The following CDH13 variants were observed in gnomAD, a reference collection of about 807,000 sequenced individuals.
CDH13 encodes cadherin-13.
A neutral mutation model predicts 63.8 loss-of-function variants in CDH13; 24 were observed. That is an observed-to-expected ratio of 0.38 (90% confidence interval 0.27 to 0.53). The LOEUF (loss-of-function observed/expected upper bound fraction) is 0.53. Among genes scored for constraint, CDH13 ranks in the 20% least tolerant of loss-of-function variants. The pLI, the probability that CDH13 is intolerant of heterozygous loss-of-function variation, is 0.85. For missense variants in CDH13, 1,049 were observed against 903.1 expected, an observed-to-expected ratio of 1.16 and a Z score of -2.07; for synonymous variants, 503 against 355.3, an observed-to-expected ratio of 1.42 and a Z score of -4.67.
At chr16:83,457,124 C>G (rs77714156) in intron 6 of CDH13, among the ~76,000 whole-genome samples, 27 of 152,086 alleles carry the variant, frequency 1.8e-4, no homozygotes, top group African/African-American at 6.3e-4. Flanking sequence ...ACCTGGGCAC[C>G]GGCCCAAGCT....
chr16:83,081,260 G>A (rs773029424), intron 3 of CDH13, among the ~76,000 whole-genome samples: 3 of 152,094 alleles, frequency 2.0e-5, no homozygotes, highest in Non-Finnish European at 4.4e-5. Context: ...CACCTGCTGT[G>A]TATCAACCTC....
At chr16:83,219,287 C>T (rs537108931) in intron 5 of CDH13, among the ~76,000 whole-genome samples, 3 of 143,898 alleles carry the variant, frequency 2.1e-5, no homozygotes, top group South Asian at 2.4e-4. Flanking sequence ...AACAGAGCTT[C>T]GGTTGCAGCT....
At chr16:82,899,393 T>G (rs1313744179) in intron 2 of CDH13, among the ~76,000 whole-genome samples, 1 of 152,218 alleles carries the variant, frequency 6.6e-6, no homozygotes, top group African/African-American at 2.4e-5. Flanking sequence ...GCAAAAGCCA[T>G]GTTTTATCTG....
intron 13 of CDH13, among the ~76,000 whole-genome samples, chr16:83,787,522 C>A (rs1358922972): frequency 1.3e-5 from 2 of 152,140 alleles, no homozygotes; most frequent in African/African-American, 4.8e-5. Context: ...ACATTCGAAT[C>A]ATTTACTATG....
At chr16:83,759,048 A>G (rs1913741337) in intron 11 of CDH13, among the ~76,000 whole-genome samples, 1 of 152,258 alleles carries the variant, frequency 6.6e-6, no homozygotes, top group South Asian at 2.1e-4. Flanking sequence ...TACACTGATT[A>G]TAAAATTTAT....
intron 1 of CDH13, among the ~76,000 whole-genome samples, chr16:82,746,010 A>G (rs1382372130): frequency 2.0e-5 from 3 of 152,128 alleles, no homozygotes; most frequent in Non-Finnish European, 4.4e-5. Context: ...CACAAGTTTA[A>G]TTACACTGTC....
At chr16:83,287,048 G>A (rs2089335631) in intron 5 of CDH13, among the ~76,000 whole-genome samples, 1 of 152,052 alleles carries the variant, frequency 6.6e-6, no homozygotes, top group African/African-American at 2.4e-5. Context: ...CCACCTTCAT[G>A]AGCGCATGCT....
intron 1 of CDH13, among the ~76,000 whole-genome samples, chr16:82,812,319 A>C (rs1190247281): frequency 6.6e-6 from 1 of 152,142 alleles, no homozygotes; most frequent in East Asian, 1.9e-4. Context: ...TATTTGCAAT[A>C]ATTGAAGCTT....
intron 1 of CDH13, among the ~76,000 whole-genome samples, chr16:82,687,706 T>G (rs1597325217): frequency 6.6e-6 from 1 of 152,120 alleles, no homozygotes; most frequent in Admixed American, 6.5e-5. Context: ...GAAATGTGGC[T>G]GGGGACACAG....
At chr16:82,760,360 CCA>C (rs1260596339) in intron 1 of CDH13, among the ~76,000 whole-genome samples, 1 of 152,044 alleles carries the variant, frequency 6.6e-6, no homozygotes, top group Non-Finnish European at 1.5e-5. Flanking sequence ...TAGGAAGTGG[CCA>C]CATCATAGTC....
intron 2 of CDH13, among the ~76,000 whole-genome samples, chr16:82,955,917 A>G (rs1488221867): frequency 6.6e-6 from 1 of 152,224 alleles, no homozygotes; most frequent in African/African-American, 2.4e-5. Flanking sequence ...TAGCATAATC[A>G]AATACTACTA....
intron 5 of CDH13, among the ~76,000 whole-genome samples, chr16:83,320,658 A>G (rs13332706): frequency 0.03 from 4,524 of 152,334 alleles, 90 homozygotes; most frequent in Non-Finnish European, 0.045. Flanking sequence ...TTTTGTTCAG[A>G]TCATCAGTGC....
chr16:82,972,404 G>T (rs532183301), intron 2 of CDH13, among the ~76,000 whole-genome samples: 46 of 152,202 alleles, frequency 3.0e-4, no homozygotes, highest in African/African-American at 1.1e-3. Context: ...TTGTATTTCT[G>T]AGTCCCATTT....
chr16:83,782,235 C>A (rs149443620), intron 12 of CDH13, among the ~76,000 whole-genome samples: 1 of 152,158 alleles, frequency 6.6e-6, no homozygotes, highest in South Asian at 2.1e-4. Flanking sequence ...TACATATGAC[C>A]CTAATCATGT....
At chr16:83,031,387 T>TG (rs71148804) in intron 2 of CDH13, among the ~76,000 whole-genome samples, 13,480 of 120,210 alleles carry the variant, frequency 0.11, 1,665 homozygotes, top group East Asian at 0.2. Context: ...TACACGTATA[T>TG]GTATATACAT....
At chr16:82,711,775 G>A (rs376425268) in intron 1 of CDH13, among the ~76,000 whole-genome samples, 13 of 152,196 alleles carry the variant, frequency 8.5e-5, no homozygotes, top group Admixed American at 2.6e-4. Context: ...AATACCCCAC[G>A]GTGATAAGGA....
intron 4 of CDH13, among the ~76,000 whole-genome samples, chr16:83,169,694 C>A (rs1169470001): frequency 6.6e-6 from 1 of 151,906 alleles, no homozygotes; most frequent in Admixed American, 6.6e-5. Flanking sequence ...TAATCTCTTG[C>A]CTGTCATATG....
At chr16:83,218,850 C>T (rs1024696353) in intron 5 of CDH13, among the ~76,000 whole-genome samples, 1 of 152,116 alleles carries the variant, frequency 6.6e-6, no homozygotes, top group Admixed American at 6.5e-5. Flanking sequence ...CTTTCTCGTG[C>T]TGTTCTCGTG....
At chr16:83,626,204 C>T (rs553943352) in intron 8 of CDH13, among the ~76,000 whole-genome samples, 1 of 152,038 alleles carries the variant, frequency 6.6e-6, no homozygotes, top group Non-Finnish European at 1.5e-5. Flanking sequence ...CTGATTTTGC[C>T]GTACCGCGTG....
Sources: allele counts gnomAD v4.1 joint callset (sites outside exome capture counted in the v4.1 genomes callset), GRCh38; gene constraint gnomAD v4.1.1; transcripts MANE v1.5; gene names NCBI Gene and HGNC (gene_info 2026-07-23, HGNC 2026-07-21).